Variants in EHBP1L1 observed in about 807,000 individuals in gnomAD.
The protein encoded by EHBP1L1 is EH domain binding protein 1 like 1.
A neutral mutation model predicts 151.1 loss-of-function variants in EHBP1L1; 122 were observed. The ratio of observed to expected loss-of-function variants is 0.81; its 90% confidence interval spans 0.70 to 0.94. The LOEUF is 0.94. Ranked by LOEUF, EHBP1L1 falls within the 40% of genes least tolerant of loss-of-function variation. The pLI is 0.00. For missense variants in EHBP1L1, 1,941 were observed against 1,959.8 expected, an observed-to-expected ratio of 0.99 and a Z score of 0.18; for synonymous variants, 878 against 810.1, an observed-to-expected ratio of 1.08 and a Z score of -1.42.
In EHBP1L1 at chr11:65,589,829, C is replaced by A; in HGVS notation, c.4003+9C>A. Reference sequence around the variant, plus strand: ...CTCTCAACAGCCCCCTGGTGAGTAGCAGGAGTGGTGACCATCTCAGTTCAG... The same window carrying A: ...CTCTCAACAGCCCCCTGGTGAGTAGAAGGAGTGGTGACCATCTCAGTTCAG... On this transcript the variant is annotated intron_variant, in intron 13 of 18. Transcript: ENST00000309295. 6.4e-7 allele frequency: 1 copy of A among 1,560,812 alleles called. No homozygotes were observed. The highest frequency in any genetic ancestry group is 8.7e-7 in the Non-Finnish European group (1 of 1,152,416).
At position 65,591,883 on chromosome 11, in the gene EHBP1L1, G is replaced by T. The variant is rs369119256; in HGVS notation, c.4357+10G>T. On this transcript the variant is annotated intron_variant, in intron 17 of 18. Transcript: ENST00000309295. ...ATGCTGGCCATCGAAGGTGGGACAT[G>T]GGCTCAGGGGCCGGGAGGCAAGACA... 1 of 1,597,860 alleles carries T rather than the reference G, an allele frequency of 6.3e-7. No homozygotes were observed. The highest frequency in any genetic ancestry group is 8.5e-7 in the Non-Finnish European group (1 of 1,172,506).
chr11:65,590,499 A>G lies in EHBP1L1; in HGVS notation c.4190A>G (p.Asn1397Ser), dbSNP rs919604298. 8 of 1,613,084 alleles carry G rather than the reference A, an allele frequency of 5.0e-6. No individual in the cohort carries two copies. The highest frequency in any genetic ancestry group is 6.8e-6 in the Non-Finnish European group (8 of 1,179,788). The change falls in exon 16 of 19, where the codon AAC becomes AGC. Residue 1397 changes from asparagine to serine, a missense_variant. Physicochemically the swap from Asn to Ser is conservative, Grantham distance 46. Coordinates refer to ENST00000309295, the MANE Select transcript of EHBP1L1 (RefSeq NM_001099409.3). ...CTGTCCCTGTCCAATGCAGGTGCCAACAAGCTGCAGGAGGAGGTGCTGATC... is the reference window on the plus strand; with the variant it reads ...CTGTCCCTGTCCAATGCAGGTGCCAGCAAGCTGCAGGAGGAGGTGCTGATC... ...QLRSLMESGANKLQEEVLIQE... is the reference protein window; with the variant it reads ...QLRSLMESGASKLQEEVLIQE...
At chr11:65,576,927 A>G (rs1436466969) in intron 1 of EHBP1L1, among the ~76,000 whole-genome samples, 1 of 151,858 alleles carries the variant, frequency 6.6e-6, no homozygotes, top group African/African-American at 2.4e-5. Context: ...ACATCTCCAC[A>G]ATGTCCTTAA....
chr11:65,583,221 G>A lies in EHBP1L1; in HGVS notation c.2549G>A (p.Gly850Glu). The change falls in exon 9 of 19, where the codon GGG (glycine) becomes GAG (glutamate). Residue 850 changes from glycine to glutamate, a missense_variant. Coordinates refer to ENST00000309295, the MANE Select transcript of EHBP1L1 (RefSeq NM_001099409.3). ...GAQETEVGGS[G>E]ISGPEAGMAE... Reference sequence around the variant, plus strand: ...CAGGAGACAGAGGTCGGGGGTTCAGGGATCTCAGGGCCCGAGGCTGGAATG... The same window carrying A: ...CAGGAGACAGAGGTCGGGGGTTCAGAGATCTCAGGGCCCGAGGCTGGAATG... 6.2e-7 allele frequency: 1 copy of A among 1,613,296 alleles called. No homozygotes were observed. The highest frequency in any genetic ancestry group is 8.5e-7 in the Non-Finnish European group (1 of 1,179,768).
rs757129947 is a variant in EHBP1L1, at chr11:65,581,743, G to C, written c.1071G>C (p.Arg357Ser). 10 of 1,604,270 alleles carry C rather than the reference G, an allele frequency of 6.2e-6. No individual in the cohort carries two copies. The highest frequency in any genetic ancestry group is 8.5e-6 in the Non-Finnish European group (10 of 1,175,572). Residue 357 changes from arginine (R) to serine (S), a missense_variant, in exon 9 of 19, where the codon AGG becomes AGC. Transcript: ENST00000309295. ...AAGGGACAGAAGCCCATGGAGCTAG[G>C]CTGGGCCCGAGCATTGAGGATAAAG... is the stretch of plus-strand genomic sequence containing the variant. ...PQEGTEAHGA[R>S]LGPSIEDKGS...
chr11:65,591,569 T>TG (rs894412533), intron 16 of EHBP1L1: 8 of 605,134 alleles, frequency 1.3e-5, no homozygotes, highest in African/African-American at 7.4e-5. Flanking sequence ...GGGGTCCTTC[T>TG]GGGGGGTGTG....
In EHBP1L1 at chr11:65,582,373, A is replaced by G. The variant is rs1443407114; in HGVS notation, c.1701A>G (p.Ser567=). 6.3e-7 allele frequency: 1 copy of G among 1,594,166 alleles called. No individual in the cohort carries two copies. The highest frequency in any genetic ancestry group is 2.2e-5 in the East Asian group (1 of 44,796). ...LGGWEAEAGG[S]GDLETETEVV... is the part of the protein sequence containing the mutation. Reference sequence around the variant, plus strand: ...GCTGGGAGGCAGAAGCTGGGGGTTCAGGGGACCTGGAAACAGAGACTGAGG... The same window carrying G: ...GCTGGGAGGCAGAAGCTGGGGGTTCGGGGGACCTGGAAACAGAGACTGAGG... The change falls in exon 9 of 19, where the codon TCA becomes TCG. Residue 567 remains serine, a synonymous_variant. Transcript: ENST00000309295.
At chr11:65,578,967 G>A (rs1026561882) in intron 1 of EHBP1L1, 111 bp from the exon 2 acceptor site, 37 of 1,068,708 alleles carry the variant, frequency 3.5e-5, no homozygotes, top group Non-Finnish European at 4.8e-5. Context: ...GGGGAGGTGG[G>A]CAGAAGGAAG....
chr11:65,579,902 A>G (rs1331570573), intron 3 of EHBP1L1, 34 bp from the exon 4 acceptor site: 1 of 1,608,832 alleles, frequency 6.2e-7, no homozygotes, highest in East Asian at 2.2e-5. Flanking sequence ...TGCTGCCCCA[A>G]CAGTCCTGTA....
intron 16 of EHBP1L1, among the ~76,000 whole-genome samples, chr11:65,590,963 A>C (rs1858245694): frequency 6.7e-6 from 1 of 149,600 alleles, no homozygotes; most frequent in African/African-American, 2.5e-5. Flanking sequence ...CCTGGGAGGC[A>C]GAGGTTGCAG....
At position 65,592,595 on chromosome 11, in the gene EHBP1L1, C is replaced by T. The variant is rs1261820703; in HGVS notation, c.*293C>T. On this transcript the variant is annotated 3_prime_UTR_variant, in exon 19 of 19. Coordinates refer to ENST00000309295, the MANE Select transcript of EHBP1L1 (RefSeq NM_001099409.3). ...GAGGGATGCCTGGGCACTACCGCCC[C>T]GCGCTGGCTTGCCCTCCTGTTCTCC... 1 of 206,314 alleles carries T rather than the reference C, an allele frequency of 4.8e-6. No homozygotes were observed. Among genetic ancestry groups the T allele is most frequent in the Non-Finnish European group, 9.7e-6 (1 of 102,610 alleles). 12.8% of individuals were successfully genotyped at this position (206,314 alleles called of 1,614,324 possible). A position where few individuals can be genotyped will look rare whatever the true frequency, so the allele number is the denominator to read the frequency against.
At position 65,590,166 on chromosome 11, in the gene EHBP1L1, G is replaced by A. The variant is rs199963590; in HGVS notation, c.4139G>A (p.Arg1380Gln). 2,847 of 1,613,716 alleles carry A rather than the reference G, an allele frequency of 1.8e-3. 16 individuals carry two copies. Among genetic ancestry groups the A allele is most frequent in the South Asian group, 8.4e-3 (765 of 91,008 alleles). Residue 1380 changes from arginine to glutamine, a missense_variant, in exon 15 of 19, where the codon CGG becomes CAG. By Grantham distance (43) the Arg-to-Gln change is conservative. Coordinates refer to ENST00000309295, the MANE Select transcript of EHBP1L1 (RefSeq NM_001099409.3). ...CAGGAGCAGAGGCAGATAGATGGGC[G>A]GGCGGCTGAGGTGGAGATGCAGCTG... is the stretch of plus-strand genomic sequence containing the variant. Reference protein sequence around the residue: ...LEQEQRQIDGRAAEVEMQLRS... With the variant: ...LEQEQRQIDGQAAEVEMQLRS...
intron 6 of EHBP1L1, 114 bp downstream of exon 6, chr11:65,580,593 G>A: frequency 7.1e-7 from 1 of 1,416,934 alleles, no homozygotes. Flanking sequence ...TTACTGCCCA[G>A]GCAGTCCCAA....
Position 65,583,147 on chromosome 11 carries a change from A to G in EHBP1L1, c.2475A>G (p.Ala825=). Residue 825 remains alanine (A), a synonymous_variant, in exon 9 of 19, where the codon GCA becomes GCG. Transcript: ENST00000309295. The stretch of plus-strand genomic sequence containing the variant: ...AGATATTGGGGACCCAAGAGATAGC[A>G]TCTAGGAGTTCAGGGGTCCCAGGGC... The part of the protein sequence containing the change: ...ETEILGTQEI[A]SRSSGVPGLE... 2 of 1,613,390 alleles carry G rather than the reference A, an allele frequency of 1.2e-6. No homozygotes were observed. The highest frequency in any genetic ancestry group is 2.2e-5 in the South Asian group (2 of 91,076).
At position 65,579,280 on chromosome 11, in the gene EHBP1L1, AG is replaced by A. The variant is rs936487857; in HGVS notation, c.163-56del. The A allele has an allele frequency of 6.3e-6, 9 of 1,427,226 alleles. No individual in the cohort carries two copies. The African/African-American group carries it at 1.2e-4, about 19-fold the overall frequency. 88.4% of individuals were successfully genotyped at this position (1,427,226 alleles called of 1,614,324 possible). On this transcript the variant is annotated intron_variant, in intron 2 of 18. Coordinates refer to ENST00000309295, the MANE Select transcript of EHBP1L1 (RefSeq NM_001099409.3). ...GGAAGATGGTGTCAAGGTTGGTGAT[AG>A]GGGGTGCAGGTGGGAGGGAAGAGTT...
rs1437023773 is a variant in EHBP1L1 at position 65,584,581 on chromosome 11, G to T, written c.3300+47G>T. 1.9e-5 allele frequency: 31 copies of T among 1,591,214 alleles called. No individual in the cohort carries two copies. In the Admixed American group the frequency reaches 5.2e-4, roughly 26 times the overall value. Reference sequence around the variant, plus strand: ...CCTGGAGGGAAGGAGGGTCTGGAGAGCCAGGCTCTCAGTGTCAGATTTGGA... The same window carrying T: ...CCTGGAGGGAAGGAGGGTCTGGAGATCCAGGCTCTCAGTGTCAGATTTGGA... On this transcript the variant is annotated intron_variant, in intron 11 of 18. Transcript: ENST00000309295.
Position 65,592,171 on chromosome 11 carries a change from A to C in EHBP1L1, c.4473-32A>C, listed in dbSNP as rs780701549. ...GAGGGCTGCGTGTGGACCCCGCCCAACGGAGCGCTGACTCGAACCCGTTCT... is the reference window on the plus strand; with the variant it reads ...GAGGGCTGCGTGTGGACCCCGCCCACCGGAGCGCTGACTCGAACCCGTTCT... On this transcript the variant is annotated intron_variant, in intron 18 of 18. Coordinates refer to ENST00000309295, the MANE Select transcript of EHBP1L1 (RefSeq NM_001099409.3). 3.0e-5 allele frequency: 48 copies of C among 1,599,508 alleles called. No individual in the cohort carries two copies. In the East Asian group the frequency reaches 1.1e-3, roughly 35 times the overall value.
rs750680076 is a variant in EHBP1L1 at position 65,582,803 on chromosome 11, G to A, written c.2131G>A (p.Val711Ile). 5.6e-6 allele frequency: 9 copies of A among 1,613,336 alleles called. No homozygotes were observed. The East Asian group carries it at 1.8e-4, about 32-fold the overall frequency. Reference protein sequence around the residue: ...TQETEVEASRVPESEAEGTEA... With the variant: ...TQETEVEASRIPESEAEGTEA... ...GGAGACAGAGGTGGAAGCTTCTAGG[G>A]TACCAGAGTCAGAGGCTGAGGGGAC... The change falls in exon 9 of 19, where the codon GTA becomes ATA. Residue 711 changes from valine to isoleucine, a missense_variant. Coordinates refer to ENST00000309295, the MANE Select transcript of EHBP1L1 (RefSeq NM_001099409.3).
In EHBP1L1 at chr11:65,583,075, T is replaced by C; in HGVS notation, c.2403T>C (p.Val801=). Residue 801 remains valine (V), a synonymous_variant, in exon 9 of 19, where the codon GTT becomes GTC. Transcript: ENST00000309295. ...CAACAGGGATCCAGGTGAAAGAGGTTGGGGGTTCAGAGGTTCCAGAGATAG... is the reference window on the plus strand; with the variant it reads ...CAACAGGGATCCAGGTGAAAGAGGTCGGGGGTTCAGAGGTTCCAGAGATAG... ...ADTTGIQVKE[V]GGSEVPEIAT... The C allele has an allele frequency of 1.2e-6, 2 of 1,612,232 alleles. No homozygotes were observed. Among genetic ancestry groups the C allele is most frequent in the Non-Finnish European group, 1.7e-6 (2 of 1,179,438 alleles).
Sources: allele counts gnomAD v4.1 joint callset (sites outside exome capture counted in the v4.1 genomes callset), GRCh38; gene constraint gnomAD v4.1.1; transcripts MANE v1.5; gene names NCBI Gene and HGNC (gene_info 2026-07-23, HGNC 2026-07-21).